The following KPNB1 variants were observed in gnomAD, a reference collection of about 807,000 sequenced individuals.
KPNB1 encodes karyopherin subunit beta 1.
A neutral mutation model predicts 113.0 loss-of-function variants in KPNB1; 7 were observed. The ratio of observed to expected loss-of-function variants is 0.06; its 90% CI spans 0.04 to 0.12. The LOEUF is 0.12. Among genes scored for constraint, KPNB1 ranks in the 10% least tolerant of loss-of-function variants. The probability of loss-of-function intolerance (pLI) is 1.00; values close to 1 mark genes in which losing one functional copy is unlikely to be tolerated. For synonymous variants in KPNB1, 363 were observed against 378.6 expected, an observed-to-expected ratio of 0.96 and a Z score of 0.48; for missense variants, 400 against 1,054.8, an observed-to-expected ratio of 0.38 and a Z score of 8.60.
At chr17:47,652,579 T>C (rs775330477) in intron 2 of KPNB1, 115 bp from the exon 3 acceptor site, 1 of 676,340 alleles carries the variant, frequency 1.5e-6, no homozygotes. Flanking sequence ...AAAAAAAAAT[T>C]AGACATTAGT....
In KPNB1 at chr17:47,663,178, A is replaced by G; in HGVS notation, c.786A>G (p.Ala262=). 3 of 1,432,560 alleles carry G rather than the reference A, an allele frequency of 2.1e-6. No individual in the cohort carries two copies. The highest frequency in any genetic ancestry group is 3.0e-6 in the Non-Finnish European group (3 of 1,014,830). 88.7% of individuals were successfully genotyped at this position (1,432,560 alleles called of 1,614,324 possible). ...CATATATGGGTCCTGCTCTTTTTGC[A>G]GTAAGTATTTCTATTTATGTGATTT... ...METYMGPALF[A]ITIEAMKSDI... Residue 262 remains alanine (A), a splice_region_variant and synonymous_variant, in exon 7 of 22, where the codon GCA becomes GCG. Transcript: ENST00000290158.
intron 15 of KPNB1, among the ~76,000 whole-genome samples, chr17:47,675,392 T>TTTTTTTTTTTG (rs2030585995): frequency 7.6e-6 from 1 of 131,078 alleles, no homozygotes; most frequent in Admixed American, 7.5e-5. Context: ...TTTGTTTGTT[T>TTTTTTTTTTTG]TTTTTTTGAG....
intron 3 of KPNB1, among the ~76,000 whole-genome samples, chr17:47,654,870 C>T (rs1597922821): frequency 6.6e-6 from 1 of 152,272 alleles, no homozygotes; most frequent in South Asian, 2.1e-4. Flanking sequence ...GACAATTCAC[C>T]TTGTTTTTCC....
chr17:47,667,141 G>A (rs949946567), intron 9 of KPNB1, among the ~76,000 whole-genome samples: 2 of 150,808 alleles, frequency 1.3e-5, no homozygotes, highest in South Asian at 2.1e-4. Flanking sequence ...GGTGGCGTTG[G>A]GGGGTACAGA....
intron 3 of KPNB1, among the ~76,000 whole-genome samples, chr17:47,656,501 C>G (rs2029912068): frequency 6.6e-6 from 1 of 151,496 alleles, no homozygotes; most frequent in Non-Finnish European, 1.5e-5. Context: ...CGTTTTGCTA[C>G]TACACTCCAC....
chr17:47,660,112 C>T (rs1329031863), intron 5 of KPNB1, among the ~76,000 whole-genome samples: 1 of 152,164 alleles, frequency 6.6e-6, no homozygotes, highest in East Asian at 1.9e-4. Context: ...ACAACAACTC[C>T]TCATTTCCCC....
At chr17:47,659,328 G>A (rs1370215163) in intron 5 of KPNB1, among the ~76,000 whole-genome samples, 1 of 151,972 alleles carries the variant, frequency 6.6e-6, no homozygotes, top group Middle Eastern at 3.4e-3. Context: ...CAGCCTGGGC[G>A]ACAGAGCAAG....
intron 7 of KPNB1, among the ~76,000 whole-genome samples, chr17:47,663,655 C>T (rs1490280153): frequency 6.6e-6 from 1 of 151,912 alleles, no homozygotes; most frequent in Non-Finnish European, 1.5e-5. Flanking sequence ...GAAAGCGAGA[C>T]TCTGTCTCAA....
chr17:47,655,438 T>C (rs1915690775), intron 3 of KPNB1, among the ~76,000 whole-genome samples: 1 of 152,228 alleles, frequency 6.6e-6, no homozygotes, highest in Non-Finnish European at 1.5e-5. Flanking sequence ...CCTTTCAGAT[T>C]GGAAGTTATA....
At chr17:47,662,589 AAG>A (rs2030137876) in intron 6 of KPNB1, among the ~76,000 whole-genome samples, 2 of 151,842 alleles carry the variant, frequency 1.3e-5, no homozygotes, top group Non-Finnish European at 2.9e-5. Context: ...AAAAAAAAAA[AAG>A]AGAAAAATGG....
At chr17:47,663,915 G>A (rs532188507) in intron 7 of KPNB1, among the ~76,000 whole-genome samples, 1 of 151,898 alleles carries the variant, frequency 6.6e-6, no homozygotes, top group South Asian at 2.1e-4. Context: ...AGCCTGGGAG[G>A]TGGAGGTTGC....
Position 47,656,944 on chromosome 17 carries a change from G to T in KPNB1, c.367G>T (p.Val123Leu). Reference sequence around the variant, plus strand: ...TGGTATTGCTTGTGCAGAGATCCCAGTAAACCAGTGGCCAGAACTCATTCC... The same window carrying T: ...TGGTATTGCTTGTGCAGAGATCCCATTAAACCAGTGGCCAGAACTCATTCC... ...VAGIACAEIP[V>L]NQWPELIPQL... is the part of the protein sequence containing the mutation. The change falls in exon 4 of 22, where the codon GTA becomes TTA. Residue 123 changes from valine to leucine, a missense_variant. Val to Leu is a conservative substitution (Grantham distance 32). Coordinates refer to ENST00000290158, the MANE Select transcript of KPNB1 (RefSeq NM_002265.6). The T allele has an allele frequency of 6.2e-7, 1 of 1,614,158 alleles. No individual in the cohort carries two copies. The highest frequency in any genetic ancestry group is 2.2e-5 in the East Asian group (1 of 44,892).
intron 2 of KPNB1, 25 bp from the exon 3 acceptor site, chr17:47,652,669 T>C: frequency 6.7e-7 from 1 of 1,501,512 alleles, no homozygotes; most frequent in Non-Finnish European, 8.9e-7. Flanking sequence ...ATATTTTTAT[T>C]TACAAATTTA....
chr17:47,682,301 T>G, intron 21 of KPNB1, 103 bp from the exon 22 acceptor site: 1 of 750,050 alleles, frequency 1.3e-6, no homozygotes, highest in Non-Finnish European at 2.5e-6. Flanking sequence ...TGTTGACAAA[T>G]TCCATTCAGG....
At chr17:47,664,337 C>A in intron 8 of KPNB1, 68 bp downstream of exon 8, 2 of 1,024,824 alleles carry the variant, frequency 2.0e-6, no homozygotes, top group South Asian at 1.3e-5. Context: ...TGATGTTCCC[C>A]TTCTAGGAGA....
chr17:47,657,306 A>G (rs2029937481), intron 4 of KPNB1, among the ~76,000 whole-genome samples: 1 of 152,226 alleles, frequency 6.6e-6, no homozygotes, highest in East Asian at 1.9e-4. Flanking sequence ...CTTAGATTCT[A>G]GACTTACAAA....
rs1360527309 is a variant in KPNB1 at position 47,684,433 on chromosome 17, A to G, written c.*2029A>G. On this transcript the variant is annotated 3_prime_UTR_variant, in exon 22 of 22. Transcript: ENST00000290158. Reference sequence around the variant, plus strand: ...TACCAGCTCCTAAGCCCTATTAAGAAGAGGCCTGGTCCTCTAATGCCTTGT... The same window carrying G: ...TACCAGCTCCTAAGCCCTATTAAGAGGAGGCCTGGTCCTCTAATGCCTTGT... 1 of 152,174 alleles carries G rather than the reference A, an allele frequency of 6.6e-6. No homozygotes were observed. Among genetic ancestry groups the G allele is most frequent in the African/African-American group, 2.4e-5 (1 of 41,426 alleles). 9.4% of individuals were successfully genotyped at this position (152,174 alleles called of 1,614,324 possible).
At chr17:47,662,608 G>T (rs182024739) in intron 6 of KPNB1, among the ~76,000 whole-genome samples, 6 of 151,150 alleles carry the variant, frequency 4.0e-5, no homozygotes, top group Admixed American at 6.6e-5. Flanking sequence ...ATGGCCGGGC[G>T]CAGTGGCTCA....
At chr17:47,668,832 G>A (rs559741677) in intron 10 of KPNB1, among the ~76,000 whole-genome samples, 1 of 151,790 alleles carries the variant, frequency 6.6e-6, no homozygotes, top group African/African-American at 2.4e-5. Context: ...TTTAATAATG[G>A]CATTATTATT....
Sources: allele counts gnomAD v4.1 joint callset (sites outside exome capture counted in the v4.1 genomes callset), GRCh38; gene constraint gnomAD v4.1.1; transcripts MANE v1.5; gene names NCBI Gene and HGNC (gene_info 2026-07-23, HGNC 2026-07-21).